NTRK3: variants seen among roughly 807,000 people sequenced by gnomAD.
NTRK3 encodes neurotrophic receptor tyrosine kinase 3, also known as NT-3 growth factor receptor.
In NTRK3, 24 loss-of-function variants were observed where a neutral mutation model predicts 91.7. The observed-to-expected ratio is 0.26, with a 90% confidence interval of 0.19 to 0.37. The LOEUF (loss-of-function observed/expected upper bound fraction) is 0.37, where lower values mean the gene tolerates loss of function less well. Ranked by LOEUF, NTRK3 falls within the 10% of genes least tolerant of loss-of-function variation. The pLI is 1.00. For synonymous variants in NTRK3, 483 were observed against 404.0 expected (o/e 1.20, Z -2.34); for missense variants, 880 against 1,068.9 (o/e 0.82, Z 2.46).
chr15:88,098,000 C>T (rs982050436), intron 13 of NTRK3, among the ~76,000 whole-genome samples: 1 of 152,182 alleles, frequency 6.6e-6, no homozygotes, highest in Non-Finnish European at 1.5e-5. Flanking sequence ...AAAGTGTGTA[C>T]TTTTTGCAAA....
At chr15:88,206,223 T>TA (rs2048743326) in intron 3 of NTRK3, among the ~76,000 whole-genome samples, 2 of 147,950 alleles carry the variant, frequency 1.4e-5, no homozygotes, top group South Asian at 2.1e-4. Context: ...CGGGCACCTG[T>TA]AGTCCCAGCT....
chr15:87,876,966 G>T, exon 19 of NTRK3: 1 of 1,613,804 alleles, frequency 6.2e-7, no homozygotes, highest in Non-Finnish European at 8.5e-7. Flanking sequence ...GATTGGGGTG[G>T]CCTTCCCCAA....
At chr15:87,873,679 A>G (rs1337108801) in exon 19 of NTRK3, 1 of 232,052 alleles carries the variant, frequency 4.3e-6, no homozygotes, top group Non-Finnish European at 8.5e-6. Context: ...TCATTTCACA[A>G]CACATTTCAT....
rs571441348 is a variant in NTRK3 at position 87,978,296 on chromosome 15, C to A, written c.1586-37543G>T. The A allele has an allele frequency of 1.3e-5, 3 of 230,590 alleles. No homozygotes were observed. The East Asian group carries it at 1.9e-4, about 14-fold the overall frequency. 14.3% of individuals were successfully genotyped at this position (230,590 alleles called of 1,614,324 possible). Reference sequence around the variant, plus strand: ...CAAGCAAAGTAAACACACATATTGACCAGAGAACAGGAGGACACTTCCATT... The same window carrying A: ...CAAGCAAAGTAAACACACATATTGAACAGAGAACAGGAGGACACTTCCATT... On this transcript the variant is annotated intron_variant, in intron 14 of 18. Transcript: ENST00000394480.
At chr15:87,949,304 A>T (rs982893931) in intron 14 of NTRK3, among the ~76,000 whole-genome samples, 9 of 151,984 alleles carry the variant, frequency 5.9e-5, no homozygotes, top group Non-Finnish European at 1.5e-5. Flanking sequence ...AAGTACTGAG[A>T]CCCACATCCT....
chr15:87,898,422 G>A (rs1317207809), intron 17 of NTRK3, among the ~76,000 whole-genome samples: 1 of 152,164 alleles, frequency 6.6e-6, no homozygotes, highest in Non-Finnish European at 1.5e-5. Flanking sequence ...GATTCAGGCT[G>A]TTTACAAAAG....
intron 18 of NTRK3, among the ~76,000 whole-genome samples, chr15:87,879,593 A>T (rs576708804): frequency 6.6e-6 from 1 of 152,342 alleles, no homozygotes; most frequent in East Asian, 1.9e-4. Context: ...TGCAAAAATT[A>T]CTGAATTAAT....
At chr15:88,041,633 C>A (rs948557744) in intron 13 of NTRK3, among the ~76,000 whole-genome samples, 1 of 152,162 alleles carries the variant, frequency 6.6e-6, no homozygotes, top group Non-Finnish European at 1.5e-5. Flanking sequence ...AACTTAGACG[C>A]AAGGGCTCCC....
intron 14 of NTRK3, chr15:87,979,240 C>T: frequency 2.2e-6 from 2 of 890,284 alleles, no homozygotes; most frequent in Non-Finnish European, 3.8e-6. Flanking sequence ...GCAGTTTCTA[C>T]TTAGCATCCC....
intron 3 of NTRK3, among the ~76,000 whole-genome samples, chr15:88,221,484 GCTTA>G (rs1488047074): frequency 4.6e-5 from 7 of 152,182 alleles, no homozygotes; most frequent in Admixed American, 4.6e-4. Context: ...CTGATGCAAT[GCTTA>G]CTTTTTCAAC....
At chr15:87,915,151 C>G (rs1226164391) in intron 17 of NTRK3, among the ~76,000 whole-genome samples, 1 of 152,098 alleles carries the variant, frequency 6.6e-6, no homozygotes, top group Non-Finnish European at 1.5e-5. Flanking sequence ...CTCAAACCAA[C>G]AGTTTACAAA....
In NTRK3 at chr15:88,196,129, C is replaced by A. The variant is rs560598296; in HGVS notation, c.249-11830G>T. On this transcript the variant is annotated intron_variant, in intron 3 of 18. Transcript: ENST00000394480. ...ATTAAAAGGGTAGATTTTCTCACTG[C>A]AACTCTGCCTCAGAGTTAATGCAGA... Among the ~76,000 whole-genome samples, 7 of 152,330 alleles carry A rather than the reference C, an allele frequency of 4.6e-5. No individual in the cohort carries two copies. In the East Asian group the frequency reaches 1.3e-3, roughly 29 times the overall value.
At chr15:87,981,689 G>T (rs77729378) in intron 14 of NTRK3, among the ~76,000 whole-genome samples, 4,543 of 152,212 alleles carry the variant, frequency 0.03, 241 homozygotes, top group African/African-American at 0.1. Context: ...GTCTCAAAAT[G>T]GTGCCCATCA....
intron 13 of NTRK3, among the ~76,000 whole-genome samples, chr15:88,069,792 C>T (rs1409165350): frequency 1.3e-5 from 2 of 152,194 alleles, no homozygotes; most frequent in Non-Finnish European, 2.9e-5. Context: ...ACATGGTACA[C>T]GTCCAAATAC....
At chr15:87,980,167 G>A (rs1386693830) in intron 14 of NTRK3, among the ~76,000 whole-genome samples, 2 of 152,192 alleles carry the variant, frequency 1.3e-5, no homozygotes, top group African/African-American at 2.4e-5. Context: ...GTGCTGCCTC[G>A]AGCAAGGAGG....
rs2051958798 is a variant in NTRK3, at chr15:88,237,978, GTAAT to G, written c.248+17924_248+17927del. 6.6e-6 allele frequency among the ~76,000 whole-genome samples: 1 copy of G among 152,190 alleles called. No homozygotes were observed. ...ATTTGGAGATAGGGTCTTTAAAGAA[GTAAT>G]TAAGTTTAAATGAGGTGATTGGGGT... is the stretch of plus-strand genomic sequence containing the variant. On this transcript the variant is annotated intron_variant, in intron 3 of 18. Coordinates refer to ENST00000394480, the Ensembl canonical transcript of NTRK3. This position sits in a 1 kb window ranked among gnomAD's most constrained non-coding sequence, Gnocchi z 4.0.
intron 3 of NTRK3, among the ~76,000 whole-genome samples, chr15:88,212,951 C>G (rs563235246): frequency 3.3e-5 from 5 of 152,218 alleles, no homozygotes; most frequent in African/African-American, 1.2e-4. Context: ...GTCACTGCAC[C>G]GATGCCCACG....
chr15:87,909,733 A>G (rs1027743547), intron 17 of NTRK3, among the ~76,000 whole-genome samples: 1 of 152,202 alleles, frequency 6.6e-6, no homozygotes, highest in Non-Finnish European at 1.5e-5. Flanking sequence ...CTAAGGTTCA[A>G]TGGGGTCTGT....
At chr15:87,921,262 AC>A (rs2067845890) in intron 17 of NTRK3, among the ~76,000 whole-genome samples, 2 of 152,228 alleles carry the variant, frequency 1.3e-5, no homozygotes, top group South Asian at 4.1e-4. Flanking sequence ...AGAATCAAAC[AC>A]AATAAACAGA....
Sources: gnomAD v4.1 joint callset for allele counts (sites outside exome capture counted in the v4.1 genomes callset) on GRCh38, gnomAD v4.1.1 for gene constraint, Gnocchi (gnomAD v3.1) non-coding constraint, MANE v1.5 for transcripts, NCBI Gene and HGNC (gene_info 2026-07-23, HGNC 2026-07-21) for gene names.